The following LIAS variants were observed in gnomAD, a reference collection of about 807,000 sequenced individuals.
LIAS encodes lipoic acid synthetase, also known as lipoyl synthase, mitochondrial.
In LIAS, 36 loss-of-function variants were observed where a neutral mutation model predicts 49.4. The ratio of observed to expected loss-of-function variants is 0.73; its 90% CI spans 0.56 to 0.96. LIAS has a LOEUF of 0.96. Among genes scored for constraint, LIAS ranks in the 40% least tolerant of loss-of-function variants. The probability of loss-of-function intolerance (pLI) is 0.00; values close to 1 mark genes in which losing one functional copy is unlikely to be tolerated. For missense variants in LIAS, 399 were observed against 456.3 expected (o/e 0.87, Z 1.14); for synonymous variants, 145 against 155.8 (o/e 0.93, Z 0.52).
At position 39,462,247 on chromosome 4, in the gene LIAS, C is replaced by T. The variant is rs1744540950; in HGVS notation, c.270C>T (p.Tyr90=). 1.3e-6 allele frequency: 2 copies of T among 1,567,560 alleles called. No individual in the cohort carries two copies. The highest frequency in any genetic ancestry group is 1.7e-6 in the Non-Finnish European group (2 of 1,159,762). ...CAGAGATTCCCATGGGGAAAAATTACAATAAACTGAAAAATACTTTGCGGA... is the reference window on the plus strand; with the variant it reads ...CAGAGATTCCCATGGGGAAAAATTATAATAAACTGAAAAATACTTTGCGGA... ...LKTEIPMGKN[Y]NKLKNTLRNL... Residue 90 remains tyrosine, a synonymous_variant, in exon 3 of 11, where the codon TAC becomes TAT. Transcript: ENST00000640888.
In LIAS at chr4:39,478,798, T is replaced by C. The variant is rs967890040; in HGVS notation, c.*1683T>C. 5.9e-5 allele frequency: 9 copies of C among 152,250 alleles called. No homozygotes were observed. The highest frequency in any genetic ancestry group is 1.3e-4 in the Non-Finnish European group (9 of 68,040). The allele number at this position is 152,250 out of a possible 1,614,324, so 9.4% of individuals were successfully genotyped here. On this transcript the variant is annotated 3_prime_UTR_variant, in exon 11 of 11. Transcript: ENST00000640888. ...ATTCATCTTTTGACTGAATCCTGCC[T>C]TTCTACTTTTTCTGCATATCTAAAA...
At chr4:39,463,435 G>A in intron 3 of LIAS, 90 bp from the exon 4 acceptor site, 3 of 1,406,342 alleles carry the variant, frequency 2.1e-6, no homozygotes, top group Non-Finnish European at 2.8e-6. Context: ...TGTAAACAAT[G>A]AGAAGTTTAA....
At chr4:39,464,941 A>G (rs1227797782) in intron 4 of LIAS, 105 bp from the exon 5 acceptor site, 1 of 831,178 alleles carries the variant, frequency 1.2e-6, no homozygotes, top group South Asian at 1.9e-5. Context: ...TCTTATAAAC[A>G]GAACCAAACT....
At position 39,465,346 on chromosome 4, in the gene LIAS, C is replaced by G; in HGVS notation, c.608+4C>G. On this transcript the variant is annotated splice_donor_region_variant and intron_variant, in intron 6 of 10. Transcript: ENST00000640888. ...CCGTATCATATTTAAAGGAAAGGTA[C>G]TTATTTTTGCATTTGTGTAATTTAA... The G allele has an allele frequency of 3.1e-6, 5 of 1,605,738 alleles. No homozygotes were observed. The highest frequency in any genetic ancestry group is 4.2e-6 in the Non-Finnish European group (5 of 1,177,998).
In LIAS at chr4:39,467,499, TTC is replaced by T; in HGVS notation, c.609-13_609-12del. ...TCAGTTCTTTCTCTCTGTTTGATAA[TTC>T]TCTCTTTTCCCCTTAGGAATCCAAA... On this transcript the variant is annotated splice_polypyrimidine_tract_variant and intron_variant, in intron 6 of 10. Transcript: ENST00000640888. 1 of 1,560,494 alleles carries T rather than the reference TTC, an allele frequency of 6.4e-7. No individual in the cohort carries two copies. The highest frequency in any genetic ancestry group is 8.7e-7 in the Non-Finnish European group (1 of 1,154,090).
intron 3 of LIAS, among the ~76,000 whole-genome samples, chr4:39,463,185 A>G (rs1744607091): frequency 6.6e-6 from 1 of 151,344 alleles, no homozygotes; most frequent in African/African-American, 2.4e-5. Flanking sequence ...TCCCAGGCTC[A>G]AGTGATCCTC....
chr4:39,474,905 C>T (rs1470427792), intron 10 of LIAS: 6 of 151,090 alleles, frequency 4.0e-5, no homozygotes, highest in African/African-American at 1.5e-4. Flanking sequence ...GACCTTGTCT[C>T]TTTAAAAATA....
Position 39,479,360 on chromosome 4 carries a change from T to TA in LIAS, c.*2251dup, listed in dbSNP as rs1745317207. 6.7e-6 allele frequency: 1 copy of TA among 149,100 alleles called. No individual in the cohort carries two copies. The highest frequency in any genetic ancestry group is 2.1e-4 in the South Asian group (1 of 4,678). 9.2% of individuals were successfully genotyped at this position (149,100 alleles called of 1,614,324 possible). A position where few individuals can be genotyped will look rare whatever the true frequency, so the allele number is the denominator to read the frequency against. On this transcript the variant is annotated 3_prime_UTR_variant, in exon 11 of 11. Coordinates refer to ENST00000640888, the MANE Select transcript of LIAS (RefSeq NM_006859.4). Reference sequence around the variant, plus strand: ...GTGAAACACTGTCTCTACTAAAAATTAAAAAATTAGCCAAGTGTGGTGGCG... The same window carrying TA: ...GTGAAACACTGTCTCTACTAAAAATTAAAAAAATTAGCCAAGTGTGGTGGCG...
At position 39,477,702 on chromosome 4, in the gene LIAS, A is replaced by C. The variant is rs1745248716; in HGVS notation, c.*587A>C. 1 of 151,570 alleles carries C rather than the reference A, an allele frequency of 6.6e-6. No individual in the cohort carries two copies. The highest frequency in any genetic ancestry group is 2.4e-5 in the African/African-American group (1 of 41,212). 9.4% of individuals were successfully genotyped at this position (151,570 alleles called of 1,614,324 possible). ...AACATAATTTTAAAATGCATTAAAA[A>C]CATGGCATGGTGGCTCACACCTATA... On this transcript the variant is annotated 3_prime_UTR_variant, in exon 11 of 11. Transcript: ENST00000640888.
intron 6 of LIAS, among the ~76,000 whole-genome samples, chr4:39,465,746 G>A (rs1560668537): frequency 6.7e-6 from 1 of 149,294 alleles, no homozygotes; most frequent in Non-Finnish European, 1.5e-5. Flanking sequence ...TGCAACCTCT[G>A]CCTCCCAGTT....
At chr4:39,472,334 AG>A (rs1470360998) in intron 9 of LIAS, among the ~76,000 whole-genome samples, 32 of 152,214 alleles carry the variant, frequency 2.1e-4, no homozygotes, top group Admixed American at 2.1e-3. Flanking sequence ...ATGCTGTCTC[AG>A]GGGTGGCAGA....
rs1221087439 is a variant in LIAS at position 39,478,467 on chromosome 4, G to GCACT, written c.*1354_*1357dup. ...TGCAGTGAGGCGATATCGTGCCACT[G>GCACT]CACTCCAGCCCGGGCAACAGAGTGA... On this transcript the variant is annotated 3_prime_UTR_variant, in exon 11 of 11. Transcript: ENST00000640888. The GCACT allele has an allele frequency of 2.6e-5, 4 of 152,188 alleles. No individual in the cohort carries two copies. Among genetic ancestry groups the GCACT allele is most frequent in the African/African-American group, 7.2e-5 (3 of 41,442 alleles). 9.4% of individuals were successfully genotyped at this position (152,188 alleles called of 1,614,324 possible).
intron 9 of LIAS, among the ~76,000 whole-genome samples, chr4:39,472,352 A>G (rs1441052573): frequency 6.6e-6 from 1 of 152,194 alleles, no homozygotes; most frequent in East Asian, 1.9e-4. Context: ...CAGAAATGGA[A>G]GAAAATCCTT....
At chr4:39,459,477 C>T (rs778293901) in intron 1 of LIAS, among the ~76,000 whole-genome samples, 11 of 152,188 alleles carry the variant, frequency 7.2e-5, no homozygotes, top group Non-Finnish European at 1.6e-4. Flanking sequence ...TGGACTCTTA[C>T]TGTGTGTGAG....
intron 4 of LIAS, chr4:39,463,947 GT>G (rs1183264661): frequency 1.0e-5 from 2 of 200,264 alleles, no homozygotes; most frequent in African/African-American, 2.3e-5. Flanking sequence ...TGTGCTTTCT[GT>G]TTTTACATCC....
intron 6 of LIAS, among the ~76,000 whole-genome samples, chr4:39,465,608 A>G (rs529894779): frequency 6.6e-6 from 1 of 152,248 alleles, no homozygotes; most frequent in Non-Finnish European, 1.5e-5. Context: ...ATATTAGAGC[A>G]TTAGTCTAAA....
intron 10 of LIAS, chr4:39,476,028 G>A (rs1327901906): frequency 6.6e-6 from 1 of 152,228 alleles, no homozygotes; most frequent in East Asian, 1.9e-4. Flanking sequence ...TCTTCAAGCA[G>A]CACTGCTGGC....
chr4:39,473,378 C>T (rs1304202767), intron 10 of LIAS, 167 bp downstream of exon 10: 1 of 460,398 alleles, frequency 2.2e-6, no homozygotes, highest in African/African-American at 2.0e-5. Context: ...CCATGGGGAT[C>T]ATATTAAGAA....
At position 39,476,693 on chromosome 4, in the gene LIAS, G is replaced by A. The variant is rs79710410; in HGVS notation, c.1067-370G>A. The A allele has an allele frequency of 2.8e-4, 48 of 170,482 alleles. No homozygotes were observed. The East Asian group carries it at 8.6e-3, about 30-fold the overall frequency. 10.6% of individuals were successfully genotyped at this position (170,482 alleles called of 1,614,324 possible). On this transcript the variant is annotated intron_variant, in intron 10 of 10. Transcript: ENST00000640888. ...ACATCAGATCCAGCCTAATAATGTA[G>A]CAAAATTGCTCTTGGAAATGAATTT... is the stretch of plus-strand genomic sequence containing the variant.
Sources: gnomAD v4.1 joint callset for allele counts (sites outside exome capture counted in the v4.1 genomes callset) on GRCh38, gnomAD v4.1.1 for gene constraint, MANE v1.5 for transcripts, NCBI Gene and HGNC (gene_info 2026-07-23, HGNC 2026-07-21) for gene names.